ULK4: variants seen among roughly 807,000 people sequenced by gnomAD.
ULK4 encodes inactive serine/threonine-protein kinase ULK4.
ULK4 carries 133 observed loss-of-function variants against 160.6 expected under a neutral mutation model. That is an observed-to-expected ratio of 0.83 (90% CI 0.72 to 0.96). The LOEUF is 0.96. Among genes scored for constraint, ULK4 ranks in the 40% least tolerant of loss-of-function variants. The pLI, the probability that ULK4 is intolerant of heterozygous loss-of-function variation, is 0.00. For missense variants in ULK4, 1,580 were observed against 1,499.5 expected (o/e 1.05, Z -0.89); for synonymous variants, 534 against 539.8 (o/e 0.99, Z 0.15).
intron 32 of ULK4, among the ~76,000 whole-genome samples, chr3:41,528,374 A>C (rs551874557): frequency 3.3e-5 from 5 of 152,350 alleles, no homozygotes; most frequent in African/African-American, 1.2e-4. Flanking sequence ...TCATCAATAG[A>C]AATGTATAGA....
chr3:41,531,464 GGGAGGGGAGA>G (rs370566098), intron 32 of ULK4, among the ~76,000 whole-genome samples: 78,050 of 108,816 alleles, frequency 0.72, 28,649 homozygotes, highest in Middle Eastern at 0.76. Flanking sequence ...GGGAGGGGAG[GGGAGGGGAGA>G]GGAGGGGAGA....
At chr3:41,438,296 G>A (rs528569651) in intron 34 of ULK4, among the ~76,000 whole-genome samples, 1 of 151,896 alleles carries the variant, frequency 6.6e-6, no homozygotes, top group Non-Finnish European at 1.5e-5. Flanking sequence ...TTTGTAACCA[G>A]ATTTTGGCAC....
At chr3:41,633,748 A>G (rs914144974) in intron 30 of ULK4, among the ~76,000 whole-genome samples, 2 of 152,174 alleles carry the variant, frequency 1.3e-5, no homozygotes, top group African/African-American at 4.8e-5. Context: ...AAGTCATATC[A>G]ATAGGACTTG....
Position 41,813,253 on chromosome 3 carries a change from G to A in ULK4, c.1848+6170C>T, listed in dbSNP as rs373661577. Among the ~76,000 whole-genome samples, 23 of 152,114 alleles carry A rather than the reference G, an allele frequency of 1.5e-4. No homozygotes were observed. In the East Asian group the frequency reaches 1.7e-3, roughly 12 times the overall value. ...GGTGTACCAAACCACCATGGCACAC[G>A]TTTACCTATGTAACAATCCTGCACA... On this transcript the variant is annotated intron_variant, in intron 19 of 36. Coordinates refer to ENST00000301831, the MANE Select transcript of ULK4 (RefSeq NM_017886.4).
intron 35 of ULK4, among the ~76,000 whole-genome samples, chr3:41,384,097 A>G (rs927894965): frequency 2.0e-5 from 3 of 152,168 alleles, no homozygotes; most frequent in African/African-American, 7.2e-5. Flanking sequence ...TAGTGGAGAC[A>G]TGTGTCAGAT....
chr3:41,861,689 T>C (rs908773996), intron 17 of ULK4, among the ~76,000 whole-genome samples: 1 of 152,190 alleles, frequency 6.6e-6, no homozygotes, highest in Admixed American at 6.5e-5. Flanking sequence ...GACATCTTTC[T>C]CTAGGTTCAG....
intron 32 of ULK4, among the ~76,000 whole-genome samples, chr3:41,527,293 T>C (rs1273211113): frequency 6.6e-6 from 1 of 152,210 alleles, no homozygotes; most frequent in East Asian, 1.9e-4. Context: ...TACAAAGCAT[T>C]ACTGGGAGAA....
At chr3:41,775,588 G>T (rs923058853) in intron 21 of ULK4, among the ~76,000 whole-genome samples, 5 of 150,030 alleles carry the variant, frequency 3.3e-5, no homozygotes, top group African/African-American at 1.3e-4. Flanking sequence ...TAGTAGAGAT[G>T]GGGTTTCACT....
At chr3:41,476,037 AG>A (rs2084132010) in intron 32 of ULK4, among the ~76,000 whole-genome samples, 1 of 107,576 alleles carries the variant, frequency 9.3e-6, no homozygotes, top group African/African-American at 3.9e-5. Flanking sequence ...AGGGCAGGAG[AG>A]GAGGGAAAAA....
intron 22 of ULK4, among the ~76,000 whole-genome samples, chr3:41,731,055 G>A (rs1037706495): frequency 2.0e-5 from 3 of 152,018 alleles, no homozygotes; most frequent in Non-Finnish European, 4.4e-5. Context: ...GGCCATATAT[G>A]ACAAACCCAT....
intron 35 of ULK4, among the ~76,000 whole-genome samples, chr3:41,283,657 T>TG (rs1466442186): frequency 6.6e-6 from 1 of 151,980 alleles, no homozygotes; most frequent in African/African-American, 2.4e-5. Context: ...GGTAGGGGGC[T>TG]GGGGGAGGGA....
intron 21 of ULK4, among the ~76,000 whole-genome samples, chr3:41,781,525 C>T (rs2039841572): frequency 1.3e-5 from 2 of 151,628 alleles, no homozygotes; most frequent in African/African-American, 2.4e-5. Flanking sequence ...TTTTAAAATT[C>T]CTTGTCTTCT....
chr3:41,631,235 G>T (rs2033729692), intron 30 of ULK4, among the ~76,000 whole-genome samples: 1 of 152,180 alleles, frequency 6.6e-6, no homozygotes, highest in African/African-American at 2.4e-5. Context: ...ACAAAAAAAG[G>T]AGGGCAGGGT....
chr3:41,902,072 A>G (rs141044006), intron 12 of ULK4, among the ~76,000 whole-genome samples: 2,258 of 152,326 alleles, frequency 0.015, 51 homozygotes, highest in African/African-American at 0.051. Flanking sequence ...GGGAAAAAAA[A>G]AAGAGAGAGA....
At chr3:41,444,482 C>G (rs975118905) in intron 34 of ULK4, among the ~76,000 whole-genome samples, 3 of 151,984 alleles carry the variant, frequency 2.0e-5, no homozygotes, top group African/African-American at 7.3e-5. Context: ...TATTACCATT[C>G]TGCCCAATTC....
intron 2 of ULK4, among the ~76,000 whole-genome samples, chr3:41,945,028 G>T (rs1462783984): frequency 6.6e-6 from 1 of 152,170 alleles, no homozygotes; most frequent in East Asian, 1.9e-4. Flanking sequence ...TTGATTATGG[G>T]AAGTTCCTGA....
intron 27 of ULK4, among the ~76,000 whole-genome samples, chr3:41,691,840 C>T (rs968115592): frequency 6.6e-6 from 1 of 150,970 alleles, no homozygotes; most frequent in African/African-American, 2.4e-5. Flanking sequence ...AAATTGTACG[C>T]TTTAATGACA....
intron 34 of ULK4, among the ~76,000 whole-genome samples, chr3:41,437,677 C>T (rs2083067011): frequency 1.3e-5 from 2 of 152,110 alleles, no homozygotes; most frequent in African/African-American, 4.8e-5. Context: ...TCACTCACAC[C>T]CCAAATTAAA....
intron 35 of ULK4, among the ~76,000 whole-genome samples, chr3:41,344,792 G>T (rs1575451777): frequency 6.7e-6 from 1 of 148,466 alleles, no homozygotes; most frequent in Middle Eastern, 3.6e-3. Flanking sequence ...TTGACAAATG[G>T]GATCTAATTA....
Sources: gnomAD v4.1 joint callset for allele counts (sites outside exome capture counted in the v4.1 genomes callset) on GRCh38, gnomAD v4.1.1 for gene constraint, MANE v1.5 for transcripts, NCBI Gene and HGNC (gene_info 2026-07-23, HGNC 2026-07-21) for gene names.